Variants in PTP4A3 observed in about 807,000 individuals in gnomAD.
The protein encoded by PTP4A3 is protein tyrosine phosphatase type IVA 3.
PTP4A3 carries 9 observed loss-of-function variants against 15.2 expected under a neutral mutation model. That is an observed-to-expected ratio of 0.59 (90% CI 0.36 to 1.03). The LOEUF (loss-of-function observed/expected upper bound fraction) is 1.03. Among genes scored for constraint, PTP4A3 ranks in the 50% least tolerant of loss-of-function variants. The pLI, the probability that PTP4A3 is intolerant of heterozygous loss-of-function variation, is 0.02. For synonymous variants in PTP4A3, 95 were observed against 102.0 expected, an observed-to-expected ratio of 0.93 and a Z score of 0.41; for missense variants, 234 against 252.1, an observed-to-expected ratio of 0.93 and a Z score of 0.49.
intron 2 of PTP4A3, 117 bp downstream of exon 2, chr8:141,422,462 CA>C: frequency 9.0e-7 from 1 of 1,105,342 alleles, no homozygotes; most frequent in Non-Finnish European, 1.4e-6. Context: ...ACAGGGCTCA[CA>C]GCCTTGGAAC....
At chr8:141,408,911 G>A (rs929489657) in intron 1 of PTP4A3, among the ~76,000 whole-genome samples, 6 of 152,256 alleles carry the variant, frequency 3.9e-5, no homozygotes, top group Admixed American at 3.9e-4. Flanking sequence ...CCCTCACAGA[G>A]TGCCTTGCCA....
chr8:141,426,581 C>T, intron 3 of PTP4A3: 6 of 985,448 alleles, frequency 6.1e-6, no homozygotes, highest in Non-Finnish European at 7.2e-6. Flanking sequence ...GCCACCGGCA[C>T]ACAGGCGTGA....
chr8:141,400,838 C>T (rs1376947702), intron 1 of PTP4A3, among the ~76,000 whole-genome samples: 4 of 152,184 alleles, frequency 2.6e-5, no homozygotes, highest in Non-Finnish European at 2.9e-5. Context: ...AGAGAAATCC[C>T]ATGGGTGAGT....
chr8:141,394,867 G>A (rs1018898517), intron 1 of PTP4A3, among the ~76,000 whole-genome samples: 1 of 152,242 alleles, frequency 6.6e-6, no homozygotes, highest in African/African-American at 2.4e-5. Flanking sequence ...ACAGTTACGT[G>A]GTCGGGTTGG....
chr8:141,423,969 G>A (rs943699340), intron 2 of PTP4A3, among the ~76,000 whole-genome samples: 6 of 151,278 alleles, frequency 4.0e-5, no homozygotes, highest in African/African-American at 1.5e-4. Flanking sequence ...TGACTATCAA[G>A]GCTCAGGACG....
intron 1 of PTP4A3, among the ~76,000 whole-genome samples, chr8:141,398,898 C>T (rs1358510247): frequency 1.3e-5 from 2 of 152,098 alleles, no homozygotes; most frequent in Non-Finnish European, 2.9e-5. Flanking sequence ...CGTCCTCACC[C>T]GCCACGGAGA....
intron 1 of PTP4A3, among the ~76,000 whole-genome samples, chr8:141,414,025 G>A (rs1256216743): frequency 6.6e-6 from 1 of 152,238 alleles, no homozygotes; most frequent in Non-Finnish European, 1.5e-5. Flanking sequence ...CCATCTTCCC[G>A]GCACAGGCAT....
In PTP4A3 at chr8:141,406,073, G is replaced by T. The variant is rs538423341; in HGVS notation, c.-854+13989G>T. Among the ~76,000 whole-genome samples, 2 of 152,264 alleles carry T rather than the reference G, an allele frequency of 1.3e-5. No homozygotes were observed. Among genetic ancestry groups the T allele is most frequent in the South Asian group, 4.2e-4 (2 of 4,818 alleles). The stretch of plus-strand genomic sequence containing the variant: ...ACGCGGGCACCACTGGAGGCTTTGA[G>T]CGGAGGGGGCTATGATCTGACTTAG... On this transcript the variant is annotated intron_variant, in intron 1 of 5. Transcript: ENST00000521578. The surrounding 1 kb of genome is among the most constrained non-coding windows in gnomAD (Gnocchi z 4.5).
Position 141,426,947 on chromosome 8 carries a change from G to C in PTP4A3, c.207G>C (p.Pro69=). 6.2e-7 allele frequency: 1 copy of C among 1,611,166 alleles called. No individual in the cohort carries two copies. Reference sequence around the variant, plus strand: ...TCTGCTTCCCTCCGTAGGACTGGCCGTTTGACGATGGGGCGCCCCCGCCCG... The same window carrying C: ...TCTGCTTCCCTCCGTAGGACTGGCCCTTTGACGATGGGGCGCCCCCGCCCG... The part of the protein sequence containing the change: ...EKDGITVVDW[P]FDDGAPPPGK... The change falls in exon 4 of 6, where the codon CCG becomes CCC. Residue 69 remains proline, a synonymous_variant. Transcript: ENST00000521578.
At chr8:141,392,295 C>T (rs1832304209) in intron 1 of PTP4A3, 1 of 152,128 alleles carries the variant, frequency 6.6e-6, no homozygotes, top group Non-Finnish European at 1.5e-5. Context: ...GAGGCTGCCA[C>T]GTGCCGGGGC....
intron 5 of PTP4A3, among the ~76,000 whole-genome samples, chr8:141,429,595 A>G (rs1266421011): frequency 1.4e-5 from 2 of 143,214 alleles, no homozygotes; most frequent in Admixed American, 6.9e-5. Flanking sequence ...GGTGGCGGGG[A>G]CAGGGTAAGC....
Position 141,421,943 on chromosome 8 carries a change from G to A in PTP4A3, c.-298G>A. 1 of 401,816 alleles carries A rather than the reference G, an allele frequency of 2.5e-6. No homozygotes were observed. The highest frequency in any genetic ancestry group is 4.1e-5 in the South Asian group (1 of 24,632). 24.9% of individuals were successfully genotyped at this position (401,816 alleles called of 1,614,324 possible). ...CTCTGAGAGACGGGAGTTTGGAGTT[G>A]CCCGCTTTACTTTGGTTGGGTTGGG... On this transcript the variant is annotated 5_prime_UTR_variant, in exon 2 of 6. Coordinates refer to ENST00000521578, the MANE Select transcript of PTP4A3 (RefSeq NM_032611.3).
In PTP4A3 at chr8:141,430,909, C is replaced by T. The variant is rs2130396240; in HGVS notation, c.405-18C>T. 2.5e-6 allele frequency: 4 copies of T among 1,611,734 alleles called. No individual in the cohort carries two copies. The South Asian group carries it at 3.3e-5, about 13-fold the overall frequency. The stretch of plus-strand genomic sequence containing the variant: ...CCAGGTCCTTGGATGATCTCTGTTC[C>T]TGTTCCCCTCTTCCCAGGAAGCGCC... On this transcript the variant is annotated intron_variant, in intron 5 of 5. Transcript: ENST00000521578.
In PTP4A3 at chr8:141,425,497, G is replaced by C. The variant is rs574239125; in HGVS notation, c.198+357G>C. 6.6e-6 allele frequency among the ~76,000 whole-genome samples: 1 copy of C among 151,860 alleles called. No homozygotes were observed. The highest frequency in any genetic ancestry group is 2.4e-5 in the African/African-American group (1 of 41,354). Reference sequence around the variant, plus strand: ...GGGTGCATCTCAGTCTTGCTGCCTGGGCGGCTGGGGCCCTGTTGCCAGGCA... The same window carrying C: ...GGGTGCATCTCAGTCTTGCTGCCTGCGCGGCTGGGGCCCTGTTGCCAGGCA... On this transcript the variant is annotated intron_variant, in intron 3 of 5. Coordinates refer to ENST00000521578, the MANE Select transcript of PTP4A3 (RefSeq NM_032611.3). This position sits in a 1 kb window ranked among gnomAD's most constrained non-coding sequence, Gnocchi z 4.2.
In PTP4A3 at chr8:141,431,016, C is replaced by T. The variant is rs140223999; in HGVS notation, c.494C>T (p.Thr165Met). The change falls in exon 6 of 6, where the codon ACG becomes ATG. Residue 165 changes from threonine to methionine, a missense_variant. Thr to Met is a moderately conservative substitution (Grantham distance 81). Transcript: ENST00000521578. Reference protein sequence around the residue: ...KQRLRFKDPHTHKTRCCVM With the variant: ...KQRLRFKDPHMHKTRCCVM ...AGGCTGCGGTTCAAAGACCCACACA[C>T]GCACAAGACCCGGTGCTGCGTTATG... The T allele has an allele frequency of 2.4e-5, 39 of 1,613,152 alleles. No homozygotes were observed. Among genetic ancestry groups the T allele is most frequent in the Admixed American group, 1.7e-4 (10 of 59,998 alleles).
rs540849350 is a variant in PTP4A3, at chr8:141,422,421, G to A, written c.105+76G>A. 2.4e-5 allele frequency: 36 copies of A among 1,517,952 alleles called. No homozygotes were observed. In the South Asian group the frequency reaches 2.5e-4, roughly 10 times the overall value. 94.0% of individuals were successfully genotyped at this position (1,517,952 alleles called of 1,614,324 possible). On this transcript the variant is annotated intron_variant, in intron 2 of 5. Coordinates refer to ENST00000521578, the MANE Select transcript of PTP4A3 (RefSeq NM_032611.3). ...CCCGGCTGAGCTGCCCTCAGGCCTC[G>A]CAAGAGGGGTCCCCAGCCCCGGCTG...
chr8:141,424,069 A>G lies in PTP4A3; in HGVS notation c.106-979A>G, dbSNP rs374966088. Among the ~76,000 whole-genome samples, 20 of 151,902 alleles carry G rather than the reference A, an allele frequency of 1.3e-4. No homozygotes were observed. The East Asian group carries it at 1.4e-3, about 10-fold the overall frequency. On this transcript the variant is annotated intron_variant, in intron 2 of 5. Transcript: ENST00000521578. ...GGGCTGAGCCGTGGGCTGGGTGGCC[A>G]TTCCCTCTGCTGAGGGTGCAGAGGG...
At position 141,425,190 on chromosome 8, in the gene PTP4A3, GTGGGGC is replaced by G; in HGVS notation, c.198+51_198+56del. 5 of 1,438,552 alleles carry G rather than the reference GTGGGGC, an allele frequency of 3.5e-6. No homozygotes were observed. The highest frequency in any genetic ancestry group is 3.9e-6 in the Non-Finnish European group (4 of 1,031,896). 89.1% of individuals were successfully genotyped at this position (1,438,552 alleles called of 1,614,324 possible). ...TAGTCACTGCTGCCACCGGGGGAGG[GTGGGGC>G]GGGGGGCTCCGGGCCTGCGCAGAGG... is the stretch of plus-strand genomic sequence containing the variant. On this transcript the variant is annotated intron_variant, in intron 3 of 5. Coordinates refer to ENST00000521578, the MANE Select transcript of PTP4A3 (RefSeq NM_032611.3). The surrounding 1 kb of genome is among the most constrained non-coding windows in gnomAD (Gnocchi z 4.2).
intron 1 of PTP4A3, among the ~76,000 whole-genome samples, chr8:141,403,249 C>T (rs1015658420): frequency 1.3e-5 from 2 of 152,226 alleles, no homozygotes; most frequent in South Asian, 2.1e-4. Context: ...AGCGGCCTCG[C>T]GCGGGGCCAA....
Sources: allele counts gnomAD v4.1 joint callset (sites outside exome capture counted in the v4.1 genomes callset), GRCh38; gene constraint gnomAD v4.1.1; non-coding constraint Gnocchi (gnomAD v3.1); transcripts MANE v1.5; gene names NCBI Gene and HGNC (gene_info 2026-07-23, HGNC 2026-07-21).